The following JCAD variants were observed in gnomAD, a reference collection of about 807,000 sequenced individuals.
The protein encoded by JCAD is junctional cadherin 5-associated protein.
JCAD carries 40 observed loss-of-function variants against 98.0 expected under a neutral mutation model. The ratio of observed to expected loss-of-function variants is 0.41; its 90% CI spans 0.32 to 0.53. The LOEUF is 0.53. Among genes scored for constraint, JCAD ranks in the 20% least tolerant of loss-of-function variants. JCAD has a pLI of 0.31. For missense variants in JCAD, 1,705 were observed against 1,738.1 expected, an observed-to-expected ratio of 0.98 and a Z score of 0.34; for synonymous variants, 691 against 682.3, an observed-to-expected ratio of 1.01 and a Z score of -0.20.
At chr10:30,049,918 G>C (rs1837433625) in intron 1 of JCAD, among the ~76,000 whole-genome samples, 1 of 152,142 alleles carries the variant, frequency 6.6e-6, no homozygotes, top group Non-Finnish European at 1.5e-5. Flanking sequence ...GTTTGAGCTA[G>C]GTTTTGAAGA....
intron 2 of JCAD, among the ~76,000 whole-genome samples, chr10:30,040,352 T>G (rs1274850516): frequency 6.6e-6 from 1 of 152,212 alleles, no homozygotes; most frequent in Non-Finnish European, 1.5e-5. Context: ...CTCATGCGTA[T>G]CTAATAGGTA....
intron 1 of JCAD, among the ~76,000 whole-genome samples, chr10:30,078,603 C>T (rs10826759): frequency 5.9e-5 from 9 of 152,214 alleles, no homozygotes; most frequent in South Asian, 2.1e-4. Flanking sequence ...GATAGCAAGA[C>T]CATGAAATTA....
chr10:30,044,915 T>C, intron 2 of JCAD: 1 of 361,774 alleles, frequency 2.8e-6, no homozygotes, highest in Non-Finnish European at 3.8e-6. Flanking sequence ...TCTGCAAACA[T>C]GTATGCATTT....
intron 1 of JCAD, among the ~76,000 whole-genome samples, chr10:30,076,088 A>G (rs1320930125): frequency 6.6e-6 from 1 of 151,490 alleles, no homozygotes; most frequent in East Asian, 1.9e-4. Context: ...CAATGGCATG[A>G]TCTGGGCTCA....
intron 1 of JCAD, among the ~76,000 whole-genome samples, chr10:30,083,262 G>T (rs1838116820): frequency 1.3e-5 from 2 of 152,094 alleles, no homozygotes; most frequent in Non-Finnish European, 2.9e-5. Flanking sequence ...ACAATGATTT[G>T]TCCAAGGTCA....
chr10:30,084,241 T>C (rs901596916), intron 1 of JCAD, among the ~76,000 whole-genome samples: 1 of 151,612 alleles, frequency 6.6e-6, no homozygotes, highest in Non-Finnish European at 1.5e-5. Context: ...GAAAGGAAAA[T>C]ATGCAAATAG....
chr10:30,079,717 A>G (rs2132681150), intron 1 of JCAD, among the ~76,000 whole-genome samples: 1 of 152,348 alleles, frequency 6.6e-6, no homozygotes, highest in South Asian at 2.1e-4. Flanking sequence ...TCTTGGGGTC[A>G]GAGACTGTGT....
Position 30,029,512 on chromosome 10 carries a change from G to A in JCAD, c.636C>T (p.Tyr212=), listed in dbSNP as rs750278710. ...ACACATGTTCTCCTTGAATGAATGGGTACAGGTCTTGAAACAGTCTCTCCC... is the reference window on the plus strand; with the variant it reads ...ACACATGTTCTCCTTGAATGAATGGATACAGGTCTTGAAACAGTCTCTCCC... ...GDGERLFQDL[Y]PFIQGEHVLN... is the part of the protein sequence containing the mutation. Residue 212 remains tyrosine, a synonymous_variant, in exon 3 of 4, where the codon TAC becomes TAT. Transcript: ENST00000375377. The A allele has an allele frequency of 3.2e-5, 52 of 1,614,078 alleles. 3 individuals carry two copies. In the South Asian group the frequency reaches 5.1e-4, roughly 16 times the overall value.
chr10:30,065,799 C>A (rs903983253), intron 2 of JCAD, among the ~76,000 whole-genome samples: 9 of 152,180 alleles, frequency 5.9e-5, no homozygotes, highest in Admixed American at 3.9e-4. Context: ...CCATGCCCAG[C>A]CCTGCATAAT....
At chr10:30,085,213 C>A (rs1266130222) in intron 1 of JCAD, among the ~76,000 whole-genome samples, 1 of 152,062 alleles carries the variant, frequency 6.6e-6, no homozygotes, top group Non-Finnish European at 1.5e-5. Context: ...ATTTATACAA[C>A]TGGTATCAGC....
chr10:30,049,074 G>A (rs73598342), intron 1 of JCAD, among the ~76,000 whole-genome samples: 2,458 of 152,322 alleles, frequency 0.016, 63 homozygotes, highest in African/African-American at 0.056. Flanking sequence ...GAGCAAAAGA[G>A]GGAGAGCCGC....
In JCAD at chr10:30,026,822, T is replaced by A; in HGVS notation, c.3326A>T (p.Asn1109Ile). ...LLPGIRRAGQ[N>I]QPAEPDASAC... Reference sequence around the variant, plus strand: ...ACTTGCATCGGGCTCAGCAGGCTGGTTCTGTCCCGCTCTCCGGATGCCCGG... The same window carrying A: ...ACTTGCATCGGGCTCAGCAGGCTGGATCTGTCCCGCTCTCCGGATGCCCGG... Residue 1109 changes from asparagine to isoleucine, a missense_variant, in exon 3 of 4, where the codon AAC becomes ATC. Coordinates refer to ENST00000375377, the MANE Select transcript of JCAD (RefSeq NM_020848.4). 1.2e-6 allele frequency: 2 copies of A among 1,614,038 alleles called. No homozygotes were observed. The highest frequency in any genetic ancestry group is 1.7e-6 in the Non-Finnish European group (2 of 1,180,038).
At chr10:30,078,526 ATGGC>A (rs1838018160) in intron 1 of JCAD, among the ~76,000 whole-genome samples, 1 of 152,194 alleles carries the variant, frequency 6.6e-6, no homozygotes, top group African/African-American at 2.4e-5. Context: ...TAATGGCTGA[ATGGC>A]TGGACAAAAG....
chr10:30,061,437 G>C (rs926614506), upstream of JCAD, among the ~76,000 whole-genome samples: 4 of 152,118 alleles, frequency 2.6e-5, no homozygotes, highest in South Asian at 6.2e-4. Flanking sequence ...AGGTACTCGG[G>C]ATGCTGAGGC....
intron 1 of JCAD, among the ~76,000 whole-genome samples, chr10:30,055,099 C>T (rs180858937): frequency 6.6e-6 from 1 of 152,264 alleles, no homozygotes; most frequent in East Asian, 1.9e-4. Context: ...CCTTATCTGC[C>T]AGAGAGACTC....
At chr10:30,053,278 TAGCCAGGTTCACTGGCTCA>T (rs1240480785) in intron 1 of JCAD, among the ~76,000 whole-genome samples, 9 of 152,106 alleles carry the variant, frequency 5.9e-5, no homozygotes, top group African/African-American at 1.7e-4. Flanking sequence ...TAAAAGTGAT[TAGCCAGGTTCACTGGCTCA>T]CACCTTTGAT....
At chr10:30,030,014 T>C in intron 2 of JCAD, 148 bp from the exon 3 acceptor site, 1 of 954,198 alleles carries the variant, frequency 1.0e-6, no homozygotes, top group Non-Finnish European at 1.5e-6. Flanking sequence ...AGAAAACATA[T>C]CCCATTAATT....
intron 1 of JCAD, among the ~76,000 whole-genome samples, chr10:30,108,337 G>A (rs1276821938): frequency 5.9e-5 from 9 of 151,580 alleles, no homozygotes; most frequent in Non-Finnish European, 1.0e-4. Flanking sequence ...GAGTGATGGC[G>A]TTATCAGGGG....
Position 30,082,441 on chromosome 10 carries a change from G to A in JCAD, n.129-12620C>T, listed in dbSNP as rs779306368. Among the ~76,000 whole-genome samples the A allele has an allele frequency of 2.5e-4, 38 of 152,170 alleles. 1 individual carries two copies. In the South Asian group the frequency reaches 3.3e-3, roughly 13 times the overall value. On this transcript the variant is annotated intron_variant and non_coding_transcript_variant, in intron 1 of 2. Transcript: ENST00000465712. ...TATATTTTAAAAGATGATATGGGCC[G>A]GGCGCAGTTGCTCACACCTATAATC...
Sources: allele counts gnomAD v4.1 joint callset (sites outside exome capture counted in the v4.1 genomes callset), GRCh38; gene constraint gnomAD v4.1.1; transcripts MANE v1.5; gene names NCBI Gene and HGNC (gene_info 2026-07-23, HGNC 2026-07-21).